MICU1: variants seen among roughly 807,000 people sequenced by gnomAD.
MICU1 encodes the protein mitochondrial calcium uptake 1, also known as calcium uptake protein 1, mitochondrial.
In MICU1, 45 loss-of-function variants were observed where a neutral mutation model predicts 56.8. That is an observed-to-expected ratio of 0.79 (90% CI 0.62 to 1.02). The LOEUF is 1.02. MICU1 is among the 50% of genes least tolerant of loss of function. The pLI is 0.00. For synonymous variants in MICU1, 186 were observed against 195.1 expected (o/e 0.95, Z 0.39); for missense variants, 504 against 587.1 (o/e 0.86, Z 1.46).
intron 8 of MICU1, among the ~76,000 whole-genome samples, chr10:72,427,859 T>C (rs1200247594): frequency 6.6e-6 from 1 of 151,898 alleles, no homozygotes; most frequent in Non-Finnish European, 1.5e-5. Context: ...ATCTGTGTTT[T>C]TGAATCTGAT....
At chr10:72,604,536 G>A (rs1416869206) in intron 1 of MICU1, among the ~76,000 whole-genome samples, 1 of 151,022 alleles carries the variant, frequency 6.6e-6, no homozygotes, top group Non-Finnish European at 1.5e-5. Context: ...GCCTCCCAAA[G>A]TGTTGGGATT....
chr10:72,485,476 T>TAA (rs1407456573), intron 6 of MICU1, among the ~76,000 whole-genome samples: 8 of 151,928 alleles, frequency 5.3e-5, no homozygotes, highest in East Asian at 1.9e-4. Flanking sequence ...ATTATATATA[T>TAA]AACCAGGATT....
chr10:72,459,370 A>AC (rs2132233326), intron 8 of MICU1, among the ~76,000 whole-genome samples: 1 of 152,024 alleles, frequency 6.6e-6, no homozygotes, highest in East Asian at 1.9e-4. Context: ...AAACCAAATA[A>AC]CCTTATTGTA....
chr10:72,621,166 A>AT (rs1353000603), intron 1 of MICU1, among the ~76,000 whole-genome samples: 59 of 152,362 alleles, frequency 3.9e-4, no homozygotes, highest in Admixed American at 2.2e-3. Flanking sequence ...GCAATTAGTT[A>AT]TAATTATGGT....
At chr10:72,375,913 T>C (rs1448643426) in intron 10 of MICU1, 41 bp from the exon 11 acceptor site, 2 of 1,566,542 alleles carry the variant, frequency 1.3e-6, no homozygotes, top group Non-Finnish European at 8.7e-7. Flanking sequence ...CAGAGGGATT[T>C]TCATTTTGCT....
Position 72,475,179 on chromosome 10 carries a change from G to A in MICU1, c.854C>T (p.Ala285Val). 1 of 1,611,234 alleles carries A rather than the reference G, an allele frequency of 6.2e-7. No individual in the cohort carries two copies. ...GATTGTCAGCTTTCCCTTCAGATCA[G>A]CTCCAAAAAAGTAGGTTGTGAGGGC... ...CSALTTYFFG[A>V]DLKGKLTIKN... Residue 285 changes from alanine to valine, a missense_variant, in exon 8 of 12, where the codon GCT (alanine) becomes GTT (valine). Coordinates refer to ENST00000361114, the MANE Select transcript of MICU1 (RefSeq NM_001195518.2).
intron 6 of MICU1, among the ~76,000 whole-genome samples, chr10:72,495,692 C>T (rs567523172): frequency 2.8e-4 from 41 of 148,908 alleles, no homozygotes; most frequent in Admixed American, 1.1e-3. Context: ...AACTAGCTAC[C>T]GTAATAAAGA....
chr10:72,375,549 G>A (rs1042066925), intron 11 of MICU1, among the ~76,000 whole-genome samples: 1 of 152,138 alleles, frequency 6.6e-6, no homozygotes, highest in African/African-American at 2.4e-5. Context: ...ATTAATTTAG[G>A]CCTATAGGCA....
chr10:72,489,487 A>G (rs953220836), intron 6 of MICU1, among the ~76,000 whole-genome samples: 4 of 152,148 alleles, frequency 2.6e-5, no homozygotes, highest in Non-Finnish European at 5.9e-5. Flanking sequence ...GGTGGTATGG[A>G]TCCAGAGCCC....
intron 8 of MICU1, among the ~76,000 whole-genome samples, chr10:72,452,244 G>T (rs1054545094): frequency 6.6e-6 from 1 of 152,120 alleles, no homozygotes. Flanking sequence ...CAGGAAGCTG[G>T]GAGGCAATAA....
intron 8 of MICU1, among the ~76,000 whole-genome samples, chr10:72,443,232 G>A (rs372243974): frequency 6.6e-6 from 1 of 152,006 alleles, no homozygotes; most frequent in Non-Finnish European, 1.5e-5. Context: ...TTTTTTCCTT[G>A]TAAATTTGTT....
intron 8 of MICU1, among the ~76,000 whole-genome samples, chr10:72,436,558 G>A (rs1434871602): frequency 6.6e-6 from 1 of 152,180 alleles, no homozygotes; most frequent in East Asian, 1.9e-4. Context: ...GACAGAGAAT[G>A]ACTTTGACGA....
In MICU1 at chr10:72,512,097, G is replaced by GTTTTTTTTTTTTTT. The variant is rs1867471926; in HGVS notation, c.538-3829_538-3828insAAAAAAAAAAAAAA. Among the ~76,000 whole-genome samples the GTTTTTTTTTTTTTT allele has an allele frequency of 5.0e-5, 5 of 100,702 alleles. 1 individual carries two copies. The highest frequency in any genetic ancestry group is 2.1e-4 in the African/African-American group (5 of 24,086). The allele number at this position is 100,702 out of a possible 152,430, so 66.1% of individuals were successfully genotyped here. A position where few individuals can be genotyped will look rare whatever the true frequency, so the allele number is the denominator to read the frequency against. On this transcript the variant is annotated intron_variant, in intron 5 of 11. Transcript: ENST00000361114. Reference sequence around the variant, plus strand: ...CTTATCAATCTGGCATCCATACACAGTTGTTTTTTGTTTTTTTTTTTTTTT... The same window carrying GTTTTTTTTTTTTTT: ...CTTATCAATCTGGCATCCATACACAGTTTTTTTTTTTTTTTTGTTTTTTGTTTTTTTTTTTTTTT...
intron 9 of MICU1, among the ~76,000 whole-genome samples, chr10:72,410,610 ACT>A (rs1472462596): frequency 2.6e-5 from 4 of 152,104 alleles, no homozygotes; most frequent in African/African-American, 9.7e-5. Context: ...CAAGAGGGAA[ACT>A]CTGTCTCAAA....
chr10:72,413,213 AAAAC>A (rs1863880508), intron 9 of MICU1, among the ~76,000 whole-genome samples: 1 of 149,160 alleles, frequency 6.7e-6, no homozygotes, highest in Non-Finnish European at 1.5e-5. Context: ...ACAAAAAACA[AAAAC>A]AAAAACAAAA....
intron 1 of MICU1, among the ~76,000 whole-genome samples, chr10:72,594,004 T>C (rs546785993): frequency 2.0e-5 from 3 of 152,240 alleles, no homozygotes; most frequent in South Asian, 2.1e-4. Flanking sequence ...TTTGAAGAAA[T>C]AGAAAAACCC....
intron 8 of MICU1, among the ~76,000 whole-genome samples, chr10:72,463,348 C>A (rs1865695976): frequency 6.6e-6 from 1 of 152,214 alleles, no homozygotes. Flanking sequence ...CAGGCATGAG[C>A]CATGGCGCCC....
chr10:72,579,639 A>G (rs1840845991), intron 1 of MICU1, among the ~76,000 whole-genome samples: 2 of 152,128 alleles, frequency 1.3e-5, no homozygotes, highest in East Asian at 1.9e-4. Flanking sequence ...GTGAATAGGC[A>G]TAAGATGATT....
chr10:72,473,946 G>A (rs1866025621), intron 8 of MICU1, among the ~76,000 whole-genome samples: 1 of 151,916 alleles, frequency 6.6e-6, no homozygotes, highest in African/African-American at 2.4e-5. Flanking sequence ...ATAATATTAA[G>A]GTAGGGCGTG....
Sources: allele counts gnomAD v4.1 joint callset (sites outside exome capture counted in the v4.1 genomes callset), GRCh38; gene constraint gnomAD v4.1.1; transcripts MANE v1.5; gene names NCBI Gene and HGNC (gene_info 2026-07-23, HGNC 2026-07-21).